Variants in RSU1 observed in about 807,000 individuals in gnomAD.
RSU1 encodes the protein Ras suppressor protein 1.
In RSU1, 26 loss-of-function variants were observed where a neutral mutation model predicts 31.1. The ratio of observed to expected loss-of-function variants is 0.84; its 90% confidence interval spans 0.61 to 1.16. RSU1 has a LOEUF of 1.16. RSU1 is among the 50% of genes most tolerant of loss of function. RSU1 has a pLI of 0.00. For synonymous variants in RSU1, 164 were observed against 136.3 expected (o/e 1.20, Z -1.41); for missense variants, 320 against 339.1 (o/e 0.94, Z 0.44).
chr10:16,679,840 TC>T (rs1835295452), intron 8 of RSU1, among the ~76,000 whole-genome samples: 1 of 140,600 alleles, frequency 7.1e-6, no homozygotes, highest in African/African-American at 2.7e-5. Context: ...ATGGAAAAAC[TC>T]CCCTCATCTG....
At chr10:16,764,291 T>C in intron 4 of RSU1, 99 bp downstream of exon 4, 1 of 1,301,040 alleles carries the variant, frequency 7.7e-7, no homozygotes, top group Non-Finnish European at 1.0e-6. Flanking sequence ...AGAAATCCAT[T>C]TCTGTGCAAT....
At chr10:16,615,094 G>T (rs1833953062) in intron 8 of RSU1, among the ~76,000 whole-genome samples, 1 of 152,002 alleles carries the variant, frequency 6.6e-6, no homozygotes, top group Non-Finnish European at 1.5e-5. Flanking sequence ...TGGCAAAGTG[G>T]ATAAAAAGTC....
intron 3 of RSU1, among the ~76,000 whole-genome samples, chr10:16,772,490 G>A (rs569337374): frequency 6.6e-6 from 1 of 152,112 alleles, no homozygotes; most frequent in African/African-American, 2.4e-5. Flanking sequence ...TTTAATTGGG[G>A]AGCTGGGAGG....
intron 4 of RSU1, 94 bp from the exon 5 acceptor site, chr10:16,755,083 A>G (rs1218239203): frequency 1.7e-5 from 12 of 692,976 alleles, no homozygotes; most frequent in Non-Finnish European, 1.8e-5. Flanking sequence ...TGAAAGTGTA[A>G]GACAGTGCCA....
chr10:16,730,574 T>C (rs890155343), intron 7 of RSU1, among the ~76,000 whole-genome samples: 3 of 152,184 alleles, frequency 2.0e-5, no homozygotes, highest in Non-Finnish European at 4.4e-5. Context: ...GCTTAGACAG[T>C]TCTGACAAAA....
chr10:16,750,865 T>C (rs200474310), intron 7 of RSU1, among the ~76,000 whole-genome samples: 1,284 of 103,176 alleles, frequency 0.012, 24 homozygotes, highest in East Asian at 0.065. Context: ...AGATCTCTCT[T>C]TTTTTTTTTT....
At chr10:16,620,805 A>C (rs1834056429) in intron 8 of RSU1, among the ~76,000 whole-genome samples, 1 of 151,724 alleles carries the variant, frequency 6.6e-6, no homozygotes, top group East Asian at 1.9e-4. Flanking sequence ...AGATCGCGCC[A>C]CTGCACTCCA....
intron 7 of RSU1, among the ~76,000 whole-genome samples, chr10:16,740,318 A>G (rs1265466821): frequency 1.3e-5 from 2 of 152,226 alleles, no homozygotes; most frequent in Non-Finnish European, 2.9e-5. Context: ...ATGATAAATC[A>G]TTCTGCAAAC....
intron 8 of RSU1, among the ~76,000 whole-genome samples, chr10:16,637,230 G>T (rs563742694): frequency 6.6e-6 from 1 of 152,314 alleles, no homozygotes; most frequent in East Asian, 1.9e-4. Context: ...GCACTTTTAT[G>T]ATATCCACAG....
At chr10:16,767,370 G>A (rs1009081865) in intron 3 of RSU1, 1 of 152,172 alleles carries the variant, frequency 6.6e-6, no homozygotes, top group Non-Finnish European at 1.5e-5. Flanking sequence ...TTTTTGACAG[G>A]ATGAGAGATT....
At chr10:16,718,180 T>C (rs142211823) in intron 7 of RSU1, among the ~76,000 whole-genome samples, 5 of 151,686 alleles carry the variant, frequency 3.3e-5, no homozygotes, top group African/African-American at 9.7e-5. Flanking sequence ...ACTCCAAGCA[T>C]TGGCACTTCT....
At chr10:16,786,275 T>C (rs1020948792) in intron 2 of RSU1, among the ~76,000 whole-genome samples, 1 of 152,202 alleles carries the variant, frequency 6.6e-6, no homozygotes, top group African/African-American at 2.4e-5. Flanking sequence ...AGCTGACGGG[T>C]TATAATCTAT....
chr10:16,673,266 A>G (rs1384601335), intron 8 of RSU1, among the ~76,000 whole-genome samples: 1 of 152,174 alleles, frequency 6.6e-6, no homozygotes, highest in African/African-American at 2.4e-5. Flanking sequence ...ATTGCTGTGG[A>G]GTCCCTGTTT....
chr10:16,645,624 A>G (rs1205085421), intron 8 of RSU1, among the ~76,000 whole-genome samples: 4 of 151,732 alleles, frequency 2.6e-5, no homozygotes, highest in Non-Finnish European at 4.4e-5. Flanking sequence ...GCTGGGCAAC[A>G]TGGCAAAACC....
chr10:16,651,684 A>T (rs1033462072), intron 8 of RSU1, among the ~76,000 whole-genome samples: 1 of 152,242 alleles, frequency 6.6e-6, no homozygotes, highest in African/African-American at 2.4e-5. Context: ...CATTTGCAAT[A>T]TTACTCTAAA....
chr10:16,649,435 T>C (rs766157719), intron 8 of RSU1, among the ~76,000 whole-genome samples: 16 of 152,180 alleles, frequency 1.1e-4, no homozygotes, highest in Non-Finnish European at 2.1e-4. Context: ...CCTGACAGCT[T>C]TGTAACTCCT....
chr10:16,809,410 G>A (rs1164609427), intron 2 of RSU1, among the ~76,000 whole-genome samples: 1 of 152,128 alleles, frequency 6.6e-6, no homozygotes, highest in Non-Finnish European at 1.5e-5. Flanking sequence ...AGAACCTGGC[G>A]AATGAAGGTG....
At chr10:16,799,828 G>A (rs971641831) in intron 2 of RSU1, among the ~76,000 whole-genome samples, 1 of 152,276 alleles carries the variant, frequency 6.6e-6, no homozygotes, top group Non-Finnish European at 1.5e-5. Context: ...GTCTCAATTT[G>A]GTAGCCGGGG....
At chr10:16,766,236 G>C (rs1190028943) in intron 3 of RSU1, among the ~76,000 whole-genome samples, 1 of 152,210 alleles carries the variant, frequency 6.6e-6, no homozygotes, top group Non-Finnish European at 1.5e-5. Flanking sequence ...AAAAGAACAA[G>C]TTTTCATCGG....
Sources: allele counts gnomAD v4.1 joint callset (sites outside exome capture counted in the v4.1 genomes callset), GRCh38; gene constraint gnomAD v4.1.1; transcripts MANE v1.5; gene names NCBI Gene and HGNC (gene_info 2026-07-23, HGNC 2026-07-21).